The following THY1 variants were observed in gnomAD, a reference collection of about 807,000 sequenced individuals.
The protein encoded by THY1 is Thy-1 cell surface antigen.
A neutral mutation model predicts 14.9 loss-of-function variants in THY1; 10 were observed. That is an observed-to-expected ratio of 0.67 (90% CI 0.41 to 1.14). The LOEUF (loss-of-function observed/expected upper bound fraction) is 1.14, where lower values mean the gene tolerates loss of function less well. Ranked by LOEUF, THY1 falls within the 50% of genes most tolerant of loss-of-function variation. The pLI is 0.00. For synonymous variants in THY1, 80 were observed against 90.0 expected, an observed-to-expected ratio of 0.89 and a Z score of 0.63; for missense variants, 159 against 202.1, an observed-to-expected ratio of 0.79 and a Z score of 1.29.
In THY1 at chr11:119,415,709, C is replaced by T. The variant is rs913342771; in HGVS notation, c.*3699G>A. On this transcript the variant is annotated 3_prime_UTR_variant, in exon 4 of 4. Coordinates refer to ENST00000284240, the MANE Select transcript of THY1 (RefSeq NM_006288.5). ...CACTGACCCCAGCTCTTCCTTGTGC[C>T]GGGCAAAGATGCCTCCTGTGGGTCT... Among the ~76,000 whole-genome samples the T allele has an allele frequency of 1.3e-5, 2 of 152,178 alleles. No individual in the cohort carries two copies. The highest frequency in any genetic ancestry group is 2.4e-5 in the African/African-American group (1 of 41,446).
rs1861766115 is a variant in THY1, at chr11:119,415,945, T to G, written c.*3463A>C. ...TGTTTGTTTCACATGTAAAGACACC[T>G]TCACAGCACGAAAGCTGCAGATTCA... On this transcript the variant is annotated 3_prime_UTR_variant, in exon 4 of 4. Coordinates refer to ENST00000284240, the MANE Select transcript of THY1 (RefSeq NM_006288.5). Among the ~76,000 whole-genome samples the G allele has an allele frequency of 1.3e-5, 2 of 152,176 alleles. No homozygotes were observed. Among genetic ancestry groups the G allele is most frequent in the African/African-American group, 4.8e-5 (2 of 41,446 alleles).
At chr11:119,419,598 A>G (rs1565326229) in intron 3 of THY1, 78 bp from the exon 4 acceptor site, 1 of 1,157,470 alleles carries the variant, frequency 8.6e-7, no homozygotes, top group Non-Finnish European at 1.3e-6. Flanking sequence ...GGCCCAAAGC[A>G]AGGGTGTACT....
Position 119,423,079 on chromosome 11 carries a change from C to G in THY1, c.-25+34G>C, listed in dbSNP as rs1381683722. On this transcript the variant is annotated intron_variant, in intron 1 of 3. Transcript: ENST00000284240. ...TTGCATGGGCGCCTGACGGCGGTCCCCGAGCCCCAGGTCCCACCGGCTCCA... is the reference window on the plus strand; with the variant it reads ...TTGCATGGGCGCCTGACGGCGGTCCGCGAGCCCCAGGTCCCACCGGCTCCA... 6.6e-6 allele frequency: 3 copies of G among 456,094 alleles called. No homozygotes were observed. The Admixed American group carries it at 7.0e-5, about 11-fold the overall frequency. The allele number at this position is 456,094 out of a possible 1,614,324, so 28.3% of individuals were successfully genotyped here.
intron 2 of THY1, chr11:119,420,628 G>C: frequency 1.6e-6 from 1 of 633,468 alleles, no homozygotes; most frequent in Non-Finnish European, 2.7e-6. Flanking sequence ...GTTGATGCTG[G>C]TTCCGGGTTC....
Position 119,420,403 on chromosome 11 carries a change from C to A in THY1, c.38-17G>T. ...CCTGCAAGACTGGCACCAGCAGTGC[C>A]TCCTTCAAACTGGAGGGGCCTGCGG... On this transcript the variant is annotated splice_polypyrimidine_tract_variant and intron_variant, in intron 2 of 3. Coordinates refer to ENST00000284240, the MANE Select transcript of THY1 (RefSeq NM_006288.5). The A allele has an allele frequency of 6.3e-7, 1 of 1,592,676 alleles. No homozygotes were observed. Among genetic ancestry groups the A allele is most frequent in the Non-Finnish European group, 8.5e-7 (1 of 1,171,428 alleles).
At chr11:119,423,064 G>T (rs182667073) in intron 1 of THY1, 49 bp downstream of exon 1, 1 of 456,054 alleles carries the variant, frequency 2.2e-6, no homozygotes, top group Non-Finnish European at 4.4e-6. Context: ...TTGCATGGGC[G>T]CCTGACGGCG....
At chr11:119,419,645 G>A in intron 3 of THY1, 125 bp from the exon 4 acceptor site, 1 of 732,586 alleles carries the variant, frequency 1.4e-6, no homozygotes, top group South Asian at 1.7e-5. Flanking sequence ...TCTTAGCTGG[G>A]ACCAGGAACA....
chr11:119,424,624 G>A (rs1861982137), upstream of THY1, among the ~76,000 whole-genome samples: 1 of 152,094 alleles, frequency 6.6e-6, no homozygotes, highest in African/African-American at 2.4e-5. Flanking sequence ...AACTGCAGAG[G>A]TTTCTAGGGC....
chr11:119,420,493 GCTCT>G (rs1861878969), intron 2 of THY1, 107 bp from the exon 3 acceptor site: 3 of 1,111,854 alleles, frequency 2.7e-6, no homozygotes, highest in Non-Finnish European at 3.7e-6. Flanking sequence ...ACCGGGGTCT[GCTCT>G]CTGAGTGCCT....
At chr11:119,419,965 CCT>C in intron 3 of THY1, 84 bp downstream of exon 3, 1 of 1,385,236 alleles carries the variant, frequency 7.2e-7, no homozygotes. Context: ...GGGCTATTCT[CCT>C]CTCTAGTCCA....
chr11:119,419,500 C>T lies in THY1; in HGVS notation c.394G>A (p.Gly132Ser). The change falls in exon 4 of 4, where the codon GGC becomes AGC. Residue 132 changes from glycine (G) to serine (S), a missense_variant. Transcript: ENST00000284240. ...VLRDKLVKCEGISLLAQNTSW... is the reference protein window; with the variant it reads ...VLRDKLVKCESISLLAQNTSW... The stretch of plus-strand genomic sequence containing the variant: ...GTGTTCTGAGCCAGCAGGCTGATGC[C>T]CTCACACTTGACCAGTTTGTCTGCA... The T allele has an allele frequency of 1.2e-6, 2 of 1,613,232 alleles. No individual in the cohort carries two copies. The highest frequency in any genetic ancestry group is 1.1e-5 in the South Asian group (1 of 91,020).
rs914926881 is a variant in THY1, at chr11:119,417,485, A to G, written c.*1923T>C. ...GGGCAGCTGTCACCTTCCTCCCCCA[A>G]ATTCCCTGGCAAAGCAGGGAGGCTG... On this transcript the variant is annotated 3_prime_UTR_variant, in exon 4 of 4. Coordinates refer to ENST00000284240, the MANE Select transcript of THY1 (RefSeq NM_006288.5). The G allele has an allele frequency of 1.8e-4, 28 of 152,178 alleles. No individual in the cohort carries two copies. Among genetic ancestry groups the G allele is most frequent in the African/African-American group, 6.7e-4 (28 of 41,522 alleles). 9.4% of individuals were successfully genotyped at this position (152,178 alleles called of 1,614,324 possible). A position where few individuals can be genotyped will look rare whatever the true frequency, so the allele number is the denominator to read the frequency against.
chr11:119,416,167 A>G lies in THY1; in HGVS notation c.*3241T>C, dbSNP rs1339449613. Among the ~76,000 whole-genome samples, 2 of 152,180 alleles carry G rather than the reference A, an allele frequency of 1.3e-5. No homozygotes were observed. Among genetic ancestry groups the G allele is most frequent in the Non-Finnish European group, 2.9e-5 (2 of 68,028 alleles). On this transcript the variant is annotated 3_prime_UTR_variant, in exon 4 of 4. Coordinates refer to ENST00000284240, the MANE Select transcript of THY1 (RefSeq NM_006288.5). ...CAATCCAGTCCAGAAATGGGGGTGC[A>G]GAGAGGGGCTTCTGTTGCTCTTGAG... is the stretch of plus-strand genomic sequence containing the variant.
chr11:119,420,382 C>A lies in THY1; in HGVS notation c.42G>T (p.Leu14Phe). ...TCACCTTCTGCCCTCGGGAGACCTG[C>A]AAGACTGGCACCAGCAGTGCCTCCT... Reference protein sequence around the residue: ...AISIALLLTVLQVSRGQKVTS... With the variant: ...AISIALLLTVFQVSRGQKVTS... Residue 14 changes from leucine (L) to phenylalanine (F), a missense_variant, in exon 3 of 4, where the codon TTG (leucine) becomes TTT (phenylalanine). Transcript: ENST00000284240. The A allele has an allele frequency of 6.2e-7, 1 of 1,607,548 alleles. No individual in the cohort carries two copies. Among genetic ancestry groups the A allele is most frequent in the Non-Finnish European group, 8.5e-7 (1 of 1,177,458 alleles).
rs80325007 is a variant in THY1 at position 119,422,288 on chromosome 11, T to A, written c.-25+825A>T. On this transcript the variant is annotated intron_variant, in intron 1 of 3. Transcript: ENST00000284240. The surrounding 1 kb of genome is among the most constrained non-coding windows in gnomAD (Gnocchi z 7.0). The stretch of plus-strand genomic sequence containing the variant: ...ATCTGGCTTTTGAATCGAGGACTCT[T>A]GTTTGAGATGTTGTGCGGGCTTGGG... 104 of 152,316 alleles carry A rather than the reference T, an allele frequency of 6.8e-4. 2 individuals carry two copies. The East Asian group carries it at 0.011, about 16-fold the overall frequency. 9.4% of individuals were successfully genotyped at this position (152,316 alleles called of 1,614,324 possible). A position where few individuals can be genotyped will look rare whatever the true frequency, so the allele number is the denominator to read the frequency against.
Position 119,419,064 on chromosome 11 carries a change from C to T in THY1, c.*344G>A. The T allele has an allele frequency of 2.8e-6, 1 of 354,048 alleles. No homozygotes were observed. The highest frequency in any genetic ancestry group is 2.2e-5 in the South Asian group (1 of 44,868). 21.9% of individuals were successfully genotyped at this position (354,048 alleles called of 1,614,324 possible). A position where few individuals can be genotyped will look rare whatever the true frequency, so the allele number is the denominator to read the frequency against. ...CCTCCAGTGGCTGGTACCCCACCAT[C>T]CCACTACCCCTCACATGCTCTCACT... On this transcript the variant is annotated 3_prime_UTR_variant, in exon 4 of 4. Transcript: ENST00000284240.
rs1440213972 is a variant in THY1 at position 119,419,398 on chromosome 11, G to T, written c.*10C>A. 16 of 1,611,454 alleles carry T rather than the reference G, an allele frequency of 9.9e-6. No homozygotes were observed. The highest frequency in any genetic ancestry group is 1.2e-5 in the Non-Finnish European group (14 of 1,177,870). On this transcript the variant is annotated 3_prime_UTR_variant, in exon 4 of 4. Coordinates refer to ENST00000284240, the MANE Select transcript of THY1 (RefSeq NM_006288.5). ...TTGAGGCTTCCTGTCTCCTCCATGG[G>T]CCCCACCAGTCACAGGGACATGAAA...
chr11:119,422,683 G>C lies in THY1; in HGVS notation c.-25+430C>G. The stretch of plus-strand genomic sequence containing the variant: ...CTTCTCCTCCGGTGCCCCGCACCCA[G>C]CCCGCCGCGAGGTCACCCGGCAGAT... On this transcript the variant is annotated intron_variant, in intron 1 of 3. Coordinates refer to ENST00000284240, the MANE Select transcript of THY1 (RefSeq NM_006288.5). This position sits in a 1 kb window ranked among gnomAD's most constrained non-coding sequence, Gnocchi z 7.0. 1 of 224,178 alleles carries C rather than the reference G, an allele frequency of 4.5e-6. No homozygotes were observed. 13.9% of individuals were successfully genotyped at this position (224,178 alleles called of 1,614,324 possible). A position where few individuals can be genotyped will look rare whatever the true frequency, so the allele number is the denominator to read the frequency against.
chr11:119,420,564 C>G (rs1371161459), intron 2 of THY1, 178 bp from the exon 3 acceptor site: 1 of 659,826 alleles, frequency 1.5e-6, no homozygotes, highest in Non-Finnish European at 2.6e-6. Flanking sequence ...CCTCCCCACT[C>G]TGCTTGAGCC....
Sources: gnomAD v4.1 joint callset for allele counts (sites outside exome capture counted in the v4.1 genomes callset) on GRCh38, gnomAD v4.1.1 for gene constraint, Gnocchi (gnomAD v3.1) non-coding constraint, MANE v1.5 for transcripts, NCBI Gene and HGNC (gene_info 2026-07-23, HGNC 2026-07-21) for gene names.